TRPV5: variants seen among roughly 807,000 people sequenced by gnomAD.
TRPV5 encodes transient receptor potential cation channel subfamily V member 5.
Under a neutral mutation model 74.1 loss-of-function variants are expected in TRPV5, and 66 were observed. The observed-to-expected ratio is 0.89, with a 90% CI of 0.73 to 1.09. TRPV5 has a LOEUF of 1.09. TRPV5 is among the 50% of genes least tolerant of loss of function. The pLI is 0.00. For synonymous variants in TRPV5, 399 were observed against 360.7 expected (o/e 1.11, Z -1.20); for missense variants, 936 against 930.4 (o/e 1.01, Z -0.08).
intron 8 of TRPV5, among the ~76,000 whole-genome samples, chr7:142,917,092 G>A (rs76805818): frequency 1.4e-5 from 2 of 146,432 alleles, no homozygotes; most frequent in African/African-American, 5.4e-5. Flanking sequence ...CGTTTTTTTT[G>A]TTTTGTTTTG....
chr7:142,930,496 G>A (rs1355467384), intron 1 of TRPV5, 50 bp from the exon 2 acceptor site: 1 of 1,351,060 alleles, frequency 7.4e-7, no homozygotes, highest in Non-Finnish European at 1.1e-6. Flanking sequence ...AGCAGAATGA[G>A]GCCAAGAGCA....
chr7:142,914,669 A>G lies in TRPV5; in HGVS notation c.1490T>C (p.Met497Thr), dbSNP rs1422591037. 4 of 1,613,760 alleles carry G rather than the reference A, an allele frequency of 2.5e-6. No individual in the cohort carries two copies. The highest frequency in any genetic ancestry group is 2.5e-6 in the Non-Finnish European group (3 of 1,179,890). ...FGDLMRFCWL[M>T]AVVILGFASA... ...GGCAAATCCCAAGATGACCACAGCCATCAGCCAGCAGAAACGCATTAGGTC... is the reference window on the plus strand; with the variant it reads ...GGCAAATCCCAAGATGACCACAGCCGTCAGCCAGCAGAAACGCATTAGGTC... The change falls in exon 12 of 15, where the codon ATG becomes ACG. Residue 497 changes from methionine (M) to threonine (T), a missense_variant. Coordinates refer to ENST00000265310, the MANE Select transcript of TRPV5 (RefSeq NM_019841.7).
At chr7:142,915,414 A>C in intron 9 of TRPV5, 31 bp from the exon 10 acceptor site, 1 of 1,609,344 alleles carries the variant, frequency 6.2e-7, no homozygotes, top group Non-Finnish European at 8.5e-7. Flanking sequence ...CAAAAATACA[A>C]TGTGGACTGC....
chr7:142,908,323 A>G lies in TRPV5; in HGVS notation c.*191T>C. ...AAGAGCCCAGAAAATACGTGAGACAATCGATGACCATTGCCCATTGCCAGA... is the reference window on the plus strand; with the variant it reads ...AAGAGCCCAGAAAATACGTGAGACAGTCGATGACCATTGCCCATTGCCAGA... On this transcript the variant is annotated 3_prime_UTR_variant, in exon 15 of 15. Coordinates refer to ENST00000265310, the MANE Select transcript of TRPV5 (RefSeq NM_019841.7). 1.5e-6 allele frequency: 1 copy of G among 651,732 alleles called. No individual in the cohort carries two copies. The highest frequency in any genetic ancestry group is 2.6e-6 in the Non-Finnish European group (1 of 382,226). 40.4% of individuals were successfully genotyped at this position (651,732 alleles called of 1,614,324 possible). A position where few individuals can be genotyped will look rare whatever the true frequency, so the allele number is the denominator to read the frequency against.
Position 142,929,470 on chromosome 7 carries a change from C to T in TRPV5, c.445G>A (p.Gly149Ser). 6.2e-7 allele frequency: 1 copy of T among 1,614,180 alleles called. No homozygotes were observed. The highest frequency in any genetic ancestry group is 8.5e-7 in the Non-Finnish European group (1 of 1,180,014). The change falls in exon 4 of 15, where the codon GGC (glycine) becomes AGC (serine). Residue 149 changes from glycine to serine, a missense_variant. Gly to Ser is a moderately conservative substitution (Grantham distance 56). Coordinates refer to ENST00000265310, the MANE Select transcript of TRPV5 (RefSeq NM_019841.7). ...RRASVSARAT[G>S]TAFRHSPRNL... is the part of the protein sequence containing the mutation. ...CGGGGACTATGGCGGAAGGCAGTGC[C>T]TGTGGCTCTGGCAGAGACACTGGCC...
In TRPV5 at chr7:142,912,541, T is replaced by C. The variant is rs767858846; in HGVS notation, c.1729A>G (p.Met577Val). The C allele has an allele frequency of 1.2e-6, 2 of 1,614,226 alleles. No homozygotes were observed. The highest frequency in any genetic ancestry group is 1.1e-5 in the South Asian group (1 of 91,084). ...ACCCTCCAGTGGGTGTCGCCCATCA[T>C]GGCGATGAACAAGTTGAGCATGAGC... Reference protein sequence around the residue: ...TLLMLNLFIAMMGDTHWRVAQ... With the variant: ...TLLMLNLFIAVMGDTHWRVAQ... Residue 577 changes from methionine to valine, a missense_variant, in exon 13 of 15, where the codon ATG (methionine) becomes GTG (valine). By Grantham distance (21) the Met-to-Val change is conservative. Transcript: ENST00000265310.
At chr7:142,925,318 GA>G in intron 8 of TRPV5, 1 of 600,880 alleles carries the variant, frequency 1.7e-6, no homozygotes, top group Non-Finnish European at 3.0e-6. Flanking sequence ...GTTTGTGTGA[GA>G]AAATCCACAG....
chr7:142,919,819 G>A (rs1348379786), intron 8 of TRPV5, among the ~76,000 whole-genome samples: 5 of 152,214 alleles, frequency 3.3e-5, no homozygotes, highest in Admixed American at 2.6e-4. Flanking sequence ...GGCCAGGGAT[G>A]TACTATGTGG....
rs1247360198 is a variant in TRPV5 at position 142,912,689 on chromosome 7, G to A, written c.1581C>T (p.Pro527=). The change falls in exon 13 of 15, where the codon CCC becomes CCT. Residue 527 remains proline (P), a synonymous_variant. Coordinates refer to ENST00000265310, the MANE Select transcript of TRPV5 (RefSeq NM_019841.7). Reference sequence around the variant, plus strand: ...GCTCAAAGGTGGTGAACAGTGCCATGGGGTAGTCATAGAATTGCCCCAGAC... The same window carrying A: ...GCTCAAAGGTGGTGAACAGTGCCATAGGGTAGTCATAGAATTGCCCCAGAC... ...PTSLGQFYDY[P]MALFTTFELF... is the part of the protein sequence containing the mutation. The A allele has an allele frequency of 9.3e-6, 15 of 1,614,202 alleles. No homozygotes were observed. Among genetic ancestry groups the A allele is most frequent in the African/African-American group, 1.3e-5 (1 of 75,046 alleles).
At chr7:142,908,903 G>A (rs761065631) in intron 14 of TRPV5, 95 bp from the exon 15 acceptor site, 1 of 1,291,556 alleles carries the variant, frequency 7.7e-7, no homozygotes, top group Non-Finnish European at 1.1e-6. Flanking sequence ...GGTCAAGAGG[G>A]AAGCAGAAAT....
intron 8 of TRPV5, among the ~76,000 whole-genome samples, chr7:142,922,096 A>G (rs886263682): frequency 6.6e-6 from 1 of 152,216 alleles, no homozygotes; most frequent in Non-Finnish European, 1.5e-5. Flanking sequence ...GTCACAGATT[A>G]TAATGAAGTA....
At chr7:142,925,304 C>A in intron 8 of TRPV5, 5 of 596,790 alleles carry the variant, frequency 8.4e-6, no homozygotes, top group Non-Finnish European at 1.2e-5. Flanking sequence ...AGCACTCTTT[C>A]AAAGTTTGTG....
chr7:142,920,026 C>T (rs1018379610), intron 8 of TRPV5, among the ~76,000 whole-genome samples: 2 of 152,194 alleles, frequency 1.3e-5, no homozygotes, highest in Non-Finnish European at 2.9e-5. Context: ...ACCAAGACTG[C>T]CCATCAGAAT....
At chr7:142,911,725 C>G (rs78970331) in intron 13 of TRPV5, among the ~76,000 whole-genome samples, 1 of 152,162 alleles carries the variant, frequency 6.6e-6, no homozygotes, top group Non-Finnish European at 1.5e-5. Flanking sequence ...TTTGTCAACA[C>G]ATAGCAGGGT....
intron 8 of TRPV5, among the ~76,000 whole-genome samples, chr7:142,924,225 TATACATATATATATATATAC>T (rs1795929572): frequency 1.4e-5 from 2 of 142,868 alleles, no homozygotes; most frequent in African/African-American, 5.3e-5. Flanking sequence ...ACTGTATATA[TATACATATATATATATATAC>T]ATATACATGT....
At chr7:142,928,289 A>G (rs1452398380) in intron 6 of TRPV5, 55 bp from the exon 7 acceptor site, 1 of 1,600,000 alleles carries the variant, frequency 6.3e-7, no homozygotes, top group Non-Finnish European at 8.6e-7. Flanking sequence ...GTGGTCGAGG[A>G]GAACAACTCC....
At position 142,908,595 on chromosome 7, in the gene TRPV5, G is replaced by A; in HGVS notation, c.2109C>T (p.Ile703=). The part of the protein sequence containing the change: ...SQSSSHRGWE[I]LRQNTLGHLN... The stretch of plus-strand genomic sequence containing the variant: ...AGTGCCCCAGGGTGTTTTGACGAAG[G>A]ATCTCCCAGCCTCGGTGACTGCTGC... The change falls in exon 15 of 15, where the codon ATC becomes ATT. Residue 703 remains isoleucine (I), a synonymous_variant. Coordinates refer to ENST00000265310, the MANE Select transcript of TRPV5 (RefSeq NM_019841.7). The A allele has an allele frequency of 6.2e-7, 1 of 1,614,212 alleles. No homozygotes were observed. The highest frequency in any genetic ancestry group is 1.1e-5 in the South Asian group (1 of 91,086).
intron 12 of TRPV5, among the ~76,000 whole-genome samples, chr7:142,913,489 G>C (rs772794558): frequency 9.2e-5 from 14 of 152,172 alleles, no homozygotes; most frequent in Non-Finnish European, 1.6e-4. Flanking sequence ...TCTGGATAGA[G>C]GACATCTACA....
chr7:142,912,265 C>A (rs1795712177), intron 13 of TRPV5, among the ~76,000 whole-genome samples: 1 of 152,196 alleles, frequency 6.6e-6, no homozygotes, highest in Non-Finnish European at 1.5e-5. Context: ...CCCCTGTGAG[C>A]AACAACCCCA....
Sources: gnomAD v4.1 joint callset for allele counts (sites outside exome capture counted in the v4.1 genomes callset) on GRCh38, gnomAD v4.1.1 for gene constraint, MANE v1.5 for transcripts, NCBI Gene and HGNC (gene_info 2026-07-23, HGNC 2026-07-21) for gene names.